The following RET variants were observed in gnomAD, a reference collection of about 807,000 sequenced individuals.
The protein encoded by RET is ret proto-oncogene.
In RET, 19 loss-of-function variants were observed where a neutral mutation model predicts 118.3. The ratio of observed to expected loss-of-function variants is 0.16; its 90% confidence interval spans 0.11 to 0.24. The LOEUF (loss-of-function observed/expected upper bound fraction) is 0.24. Among genes scored for constraint, RET ranks in the 10% least tolerant of loss-of-function variants. The pLI, the probability that RET is intolerant of heterozygous loss-of-function variation, is 1.00. For synonymous variants in RET, 597 were observed against 644.1 expected (o/e 0.93, Z 1.11); for missense variants, 1,219 against 1,502.1 (o/e 0.81, Z 3.12).
intron 7 of RET, 114 bp from the exon 8 acceptor site, chr10:43,111,985 C>A (rs1411431735): frequency 3.5e-6 from 5 of 1,441,586 alleles, no homozygotes; most frequent in Non-Finnish European, 4.7e-6. Flanking sequence ...CACTCCGGTC[C>A]CCTTGGGCTC....
chr10:43,086,844 G>A (rs987569634), intron 1 of RET, among the ~76,000 whole-genome samples: 11 of 152,248 alleles, frequency 7.2e-5, no homozygotes, highest in African/African-American at 1.9e-4. Context: ...GGTGGCCATC[G>A]TGCAGCTTAG....
chr10:43,127,160 TC>T, intron 19 of RET: 1 of 1,109,544 alleles, frequency 9.0e-7, no homozygotes, highest in Non-Finnish European at 1.1e-6. Context: ...ACAGCCAGGT[TC>T]CCCCAGACCC....
intron 12 of RET, among the ~76,000 whole-genome samples, chr10:43,117,162 G>T (rs1204493307): frequency 6.6e-6 from 1 of 152,222 alleles, no homozygotes; most frequent in Non-Finnish European, 1.5e-5. Context: ...TTTGGCTCTC[G>T]ATGGGCACAT....
chr10:43,104,832 G>T (rs1235202198), intron 3 of RET, 120 bp from the exon 4 acceptor site: 1 of 1,444,392 alleles, frequency 6.9e-7, no homozygotes, highest in Non-Finnish European at 9.2e-7. Flanking sequence ...CGGAGGAGGG[G>T]AGGCCTGGGG....
At chr10:43,126,487 C>G in intron 18 of RET, 88 bp from the exon 19 acceptor site, 1 of 1,175,514 alleles carries the variant, frequency 8.5e-7, no homozygotes, top group Admixed American at 1.7e-5. Flanking sequence ...ACAGCCAGAG[C>G]CTCTGCCCTG....
intron 6 of RET, 117 bp from the exon 7 acceptor site, chr10:43,111,090 G>A (rs1266920607): frequency 2.7e-6 from 4 of 1,467,256 alleles, no homozygotes; most frequent in African/African-American, 2.8e-5. Flanking sequence ...GGGGGCTGCT[G>A]TCTCCAGGCC....
intron 1 of RET, among the ~76,000 whole-genome samples, chr10:43,091,264 T>TGGG (rs1235082124): frequency 2.0e-5 from 3 of 152,060 alleles, no homozygotes; most frequent in African/African-American, 7.2e-5. Context: ...ATAGATCTGA[T>TGGG]CAGTGTTAAT....
intron 12 of RET, 130 bp from the exon 13 acceptor site, chr10:43,118,243 G>A: frequency 1.3e-6 from 1 of 753,444 alleles, no homozygotes; most frequent in South Asian, 1.5e-5. Flanking sequence ...GAAGCCTCAA[G>A]CAGCATCGTC....
At chr10:43,097,457 C>A (rs567648779) in intron 1 of RET, among the ~76,000 whole-genome samples, 103 of 152,080 alleles carry the variant, frequency 6.8e-4, no homozygotes, top group Non-Finnish European at 1.0e-3. Context: ...GCTCAGCCAA[C>A]CCCTAGCATC....
intron 16 of RET, among the ~76,000 whole-genome samples, chr10:43,123,379 A>G (rs916365705): frequency 6.6e-6 from 1 of 152,236 alleles, no homozygotes; most frequent in Non-Finnish European, 1.5e-5. Context: ...TTCATTAATC[A>G]TGAATTCATC....
At chr10:43,105,271 G>A (rs1328368285) in intron 4 of RET, 78 bp downstream of exon 4, 5 of 1,596,864 alleles carry the variant, frequency 3.1e-6, no homozygotes, top group Admixed American at 3.4e-5. Flanking sequence ...TTTAGTGTCC[G>A]TGTAGCCACC....
chr10:43,123,896 G>C (rs1838273497), intron 17 of RET, 88 bp downstream of exon 17: 1 of 1,591,970 alleles, frequency 6.3e-7, no homozygotes, highest in Non-Finnish European at 8.6e-7. Flanking sequence ...GCAGCCCCAG[G>C]AGAAACCAGG....
At chr10:43,086,124 C>A (rs1168865552) in intron 1 of RET, among the ~76,000 whole-genome samples, 2 of 152,210 alleles carry the variant, frequency 1.3e-5, no homozygotes, top group African/African-American at 2.4e-5. Flanking sequence ...GAAGCCCAGG[C>A]CAGACTGCAG....
chr10:43,098,551 A>G (rs1178205859), intron 1 of RET, among the ~76,000 whole-genome samples: 1 of 151,610 alleles, frequency 6.6e-6, no homozygotes, highest in African/African-American at 2.4e-5. Flanking sequence ...CCTCTCAAGT[A>G]GCTGAGATTA....
chr10:43,087,036 G>A (rs570569057), intron 1 of RET, among the ~76,000 whole-genome samples: 6 of 152,374 alleles, frequency 3.9e-5, no homozygotes, highest in African/African-American at 1.4e-4. Flanking sequence ...TCATGTCCTG[G>A]TTGCAGTTCT....
intron 16 of RET, among the ~76,000 whole-genome samples, chr10:43,123,338 T>G (rs1394545094): frequency 2.0e-5 from 3 of 152,240 alleles, no homozygotes; most frequent in Non-Finnish European, 4.4e-5. Flanking sequence ...TTATTAAGAT[T>G]AATTCATGAT....
intron 1 of RET, among the ~76,000 whole-genome samples, chr10:43,095,305 G>A (rs187717509): frequency 1.4e-4 from 22 of 152,206 alleles, no homozygotes; most frequent in Non-Finnish European, 2.5e-4. Context: ...ACCCTGTCTC[G>A]TGGACTGCCC....
At chr10:43,097,629 A>G (rs1837548720) in intron 1 of RET, among the ~76,000 whole-genome samples, 1 of 152,288 alleles carries the variant, frequency 6.6e-6, no homozygotes, top group African/African-American at 2.4e-5. Context: ...GTCGCCAGAA[A>G]TGCAGCACCC....
chr10:43,108,592 A>T (rs1008406532), intron 5 of RET, among the ~76,000 whole-genome samples: 12 of 152,000 alleles, frequency 7.9e-5, no homozygotes, highest in Non-Finnish European at 1.8e-4. Context: ...CCAAGAGGGG[A>T]TCTATTCAGT....
Sources: gnomAD v4.1 joint callset for allele counts (sites outside exome capture counted in the v4.1 genomes callset) on GRCh38, gnomAD v4.1.1 for gene constraint, MANE v1.5 for transcripts, NCBI Gene and HGNC (gene_info 2026-07-23, HGNC 2026-07-21) for gene names.